Variants in RAB27B observed in about 807,000 individuals in gnomAD.
RAB27B encodes the protein ras-related protein Rab-27B.
A neutral mutation model predicts 24.6 loss-of-function variants in RAB27B; 15 were observed. The observed-to-expected ratio is 0.61, with a 90% CI of 0.41 to 0.94. RAB27B has a LOEUF of 0.94. Among genes scored for constraint, RAB27B ranks in the 40% least tolerant of loss-of-function variants. The probability of loss-of-function intolerance (pLI) is 0.00; values close to 1 mark genes in which losing one functional copy is unlikely to be tolerated. For synonymous variants in RAB27B, 105 were observed against 92.5 expected (o/e 1.14, Z -0.78); for missense variants, 261 against 266.8 (o/e 0.98, Z 0.15).
intron 1 of RAB27B, among the ~76,000 whole-genome samples, chr18:54,867,680 C>T (rs1371014812): frequency 6.6e-6 from 1 of 151,764 alleles, no homozygotes; most frequent in African/African-American, 2.4e-5. Flanking sequence ...CTCCTGACCT[C>T]GTGATTCGCC....
intron 1 of RAB27B, among the ~76,000 whole-genome samples, chr18:54,855,443 A>G (rs1158595377): frequency 6.6e-6 from 1 of 152,182 alleles, no homozygotes; most frequent in Non-Finnish European, 1.5e-5. Context: ...TATAATATAT[A>G]TCATCAAAGG....
chr18:54,781,410 C>T (rs1442510616), intron 2 of RAB27B, among the ~76,000 whole-genome samples: 1 of 151,996 alleles, frequency 6.6e-6, no homozygotes, highest in African/African-American at 2.4e-5. Flanking sequence ...AATTTGACCA[C>T]ACTTTATTAG....
chr18:54,733,058 T>G (rs968578625), intron 2 of RAB27B, among the ~76,000 whole-genome samples: 7 of 152,158 alleles, frequency 4.6e-5, no homozygotes, highest in Non-Finnish European at 8.8e-5. Context: ...ATTTTTTATT[T>G]TTTTAGAGAT....
At chr18:54,872,059 G>C (rs1398050715) in intron 1 of RAB27B, among the ~76,000 whole-genome samples, 1 of 152,072 alleles carries the variant, frequency 6.6e-6, no homozygotes, top group African/African-American at 2.4e-5. Flanking sequence ...CGAGCAAGGA[G>C]TATATCCTCA....
At chr18:54,807,530 G>A (rs1474663147) in intron 2 of RAB27B, among the ~76,000 whole-genome samples, 1 of 152,132 alleles carries the variant, frequency 6.6e-6, no homozygotes, top group East Asian at 1.9e-4. Context: ...TCCAGCCTTT[G>A]ACACAACCAG....
intron 2 of RAB27B, among the ~76,000 whole-genome samples, chr18:54,817,370 T>A (rs1910153941): frequency 6.6e-6 from 1 of 152,188 alleles, no homozygotes. Flanking sequence ...TCTTACCCTA[T>A]CTGGAACTTG....
Position 54,894,744 on chromosome 18 carries a change from A to G in RAB27B, c.*5331A>G, listed in dbSNP as rs1913502626. On this transcript the variant is annotated 3_prime_UTR_variant, in exon 6 of 6. Coordinates refer to ENST00000262094, the MANE Select transcript of RAB27B (RefSeq NM_004163.4). The stretch of plus-strand genomic sequence containing the variant: ...TGTATAAGAAAGTGGTTTGTAAATT[A>G]TGTTCCATTTCATAAATAGACACTA... 6.6e-6 allele frequency: 1 copy of G among 152,040 alleles called. No homozygotes were observed. Among genetic ancestry groups the G allele is most frequent in the Non-Finnish European group, 1.5e-5 (1 of 67,956 alleles). The allele number at this position is 152,040 out of a possible 1,614,324, so 9.4% of individuals were successfully genotyped here. A position where few individuals can be genotyped will look rare whatever the true frequency, so the allele number is the denominator to read the frequency against.
chr18:54,837,593 G>A (rs1291842623), intron 1 of RAB27B, among the ~76,000 whole-genome samples: 14 of 152,006 alleles, frequency 9.2e-5, no homozygotes, highest in Admixed American at 6.6e-5. Flanking sequence ...GCACACGGGT[G>A]ATCTCCAAAA....
intron 2 of RAB27B, among the ~76,000 whole-genome samples, chr18:54,754,463 G>A (rs1028569945): frequency 3.9e-5 from 6 of 152,134 alleles, no homozygotes; most frequent in Non-Finnish European, 5.9e-5. Context: ...AAACGTTCTT[G>A]GATCTAGTGC....
chr18:54,870,815 TA>T (rs751919787), intron 1 of RAB27B, among the ~76,000 whole-genome samples: 10 of 152,338 alleles, frequency 6.6e-5, no homozygotes, highest in Admixed American at 3.3e-4. Context: ...TTGAATTATT[TA>T]TGAAAAAACA....
At chr18:54,738,755 C>A (rs1909978123) in intron 2 of RAB27B, among the ~76,000 whole-genome samples, 1 of 152,148 alleles carries the variant, frequency 6.6e-6, no homozygotes, top group African/African-American at 2.4e-5. Context: ...TGATCTGCAC[C>A]TTTTGCTAGT....
At chr18:54,779,874 C>G (rs917078254) in intron 2 of RAB27B, among the ~76,000 whole-genome samples, 1 of 152,096 alleles carries the variant, frequency 6.6e-6, no homozygotes, top group Non-Finnish European at 1.5e-5. Context: ...CTCCCCTTGG[C>G]TGTCCCCTCT....
chr18:54,829,000 G>A (rs188235123), intron 1 of RAB27B, among the ~76,000 whole-genome samples: 1 of 152,292 alleles, frequency 6.6e-6, no homozygotes, highest in Non-Finnish European at 1.5e-5. Flanking sequence ...GCACAGCAAT[G>A]CCAATTTCCT....
chr18:54,829,621 T>C (rs774947161), intron 1 of RAB27B, among the ~76,000 whole-genome samples: 2 of 152,350 alleles, frequency 1.3e-5, no homozygotes, highest in South Asian at 4.1e-4. Context: ...CAGTTCTCAA[T>C]ATTTAGTTAT....
intron 2 of RAB27B, among the ~76,000 whole-genome samples, chr18:54,817,444 A>C (rs1044472410): frequency 6.6e-6 from 1 of 152,176 alleles, no homozygotes; most frequent in African/African-American, 2.4e-5. Context: ...GGAATGTCAC[A>C]GGCTGTATGC....
At chr18:54,771,605 T>C (rs1158421917) in intron 2 of RAB27B, among the ~76,000 whole-genome samples, 1 of 127,140 alleles carries the variant, frequency 7.9e-6, no homozygotes, top group Non-Finnish European at 1.7e-5. Flanking sequence ...TGTGTGTGTG[T>C]GTGTGTGTGT....
chr18:54,782,267 CCT>C, intron 2 of RAB27B, among the ~76,000 whole-genome samples: 1 of 152,248 alleles, frequency 6.6e-6, no homozygotes, highest in Non-Finnish European at 1.5e-5. Context: ...ATTTTCGTGT[CCT>C]GTTTACAAAA....
At chr18:54,844,403 CTTTTCTTT>C (rs1162246508) in intron 1 of RAB27B, among the ~76,000 whole-genome samples, 23 of 95,264 alleles carry the variant, frequency 2.4e-4, no homozygotes, top group South Asian at 2.3e-3. Context: ...TCTTTCTTTT[CTTTTCTTT>C]TTTTTTTTTT....
rs138167212 is a variant in RAB27B, at chr18:54,802,377, T to TTTGCCCACTGGTTCAGTGCCTGCTC, written c.-19-75186_-19-75162dup. Among the ~76,000 whole-genome samples the TTTGCCCACTGGTTCAGTGCCTGCTC allele has an allele frequency of 3.2e-3, 487 of 152,298 alleles. 1 individual carries two copies. The highest frequency in any genetic ancestry group is 5.3e-3 in the Non-Finnish European group (360 of 68,010). ...TGTTGCCATAGCTTTTCCACTGGACTTTGCCCACTGGTTCAGTGCCTGCTC... is the reference window on the plus strand; with the variant it reads ...TGTTGCCATAGCTTTTCCACTGGACTTTGCCCACTGGTTCAGTGCCTGCTCTTGCCCACTGGTTCAGTGCCTGCTC... On this transcript the variant is annotated intron_variant, in intron 2 of 4. Transcript: ENST00000586570.
Sources: allele counts gnomAD v4.1 joint callset (sites outside exome capture counted in the v4.1 genomes callset), GRCh38; gene constraint gnomAD v4.1.1; transcripts MANE v1.5; gene names NCBI Gene and HGNC (gene_info 2026-07-23, HGNC 2026-07-21).